The following ANPEP variants were observed in gnomAD, a reference collection of about 807,000 sequenced individuals.
ANPEP encodes the protein alanyl aminopeptidase, membrane, also known as aminopeptidase N.
Under a neutral mutation model 114.6 loss-of-function variants are expected in ANPEP, and 70 were observed. The ratio of observed to expected loss-of-function variants is 0.61; its 90% confidence interval spans 0.50 to 0.75. The LOEUF is 0.75. Ranked by LOEUF, ANPEP falls within the 30% of genes least tolerant of loss-of-function variation. The probability of loss-of-function intolerance (pLI) is 0.00; values close to 1 mark genes in which losing one functional copy is unlikely to be tolerated. For synonymous variants in ANPEP, 548 were observed against 522.3 expected (o/e 1.05, Z -0.67); for missense variants, 1,184 against 1,259.5 (o/e 0.94, Z 0.91).
rs143566896 is a variant in ANPEP, at chr15:89,803,988, C to T, written c.1194G>A (p.Leu398=). The part of the protein sequence containing the change: ...HELAHQWFGN[L]VTIEWWNDLW... ...GGTCATTCCACCACTCTATGGTCAC[C>T]AGGTTCCCGAACCACTGTGGGGGGA... The change falls in exon 7 of 21, where the codon CTG becomes CTA. Residue 398 remains leucine, a synonymous_variant. Coordinates refer to ENST00000300060, the MANE Select transcript of ANPEP (RefSeq NM_001150.3). The surrounding 1 kb of genome is among the most constrained non-coding windows in gnomAD (Gnocchi z 4.2). The T allele has an allele frequency of 6.4e-5, 104 of 1,614,012 alleles. No homozygotes were observed. The African/African-American group carries it at 1.3e-3, about 19-fold the overall frequency.
In ANPEP at chr15:89,784,970, T is replaced by G; in HGVS notation, c.*379A>C. 5.3e-6 allele frequency: 1 copy of G among 188,560 alleles called. No homozygotes were observed. The allele number at this position is 188,560 out of a possible 1,614,324, so 11.7% of individuals were successfully genotyped here. A position where few individuals can be genotyped will look rare whatever the true frequency, so the allele number is the denominator to read the frequency against. On this transcript the variant is annotated 3_prime_UTR_variant, in exon 21 of 21. Transcript: ENST00000300060. ...TCTGCTGCCCTGTTGATTCCTCAGA[T>G]TTAGGGTCTTTAGGGAAAGGTGAAA...
rs1894727907 is a variant in ANPEP, at chr15:89,806,902, G to T, written c.-223-96C>A. On this transcript the variant is annotated intron_variant, in intron 1 of 20. Coordinates refer to ENST00000300060, the MANE Select transcript of ANPEP (RefSeq NM_001150.3). The surrounding 1 kb of genome is among the most constrained non-coding windows in gnomAD (Gnocchi z 5.7). ...AGGCTTCCGGCTGTAGGCCCAGTGGGCAAAGCAAGCGGCCAGGTGGCATTG... is the reference window on the plus strand; with the variant it reads ...AGGCTTCCGGCTGTAGGCCCAGTGGTCAAAGCAAGCGGCCAGGTGGCATTG... 1 of 324,594 alleles carries T rather than the reference G, an allele frequency of 3.1e-6. No individual in the cohort carries two copies. Among genetic ancestry groups the T allele is most frequent in the Non-Finnish European group, 5.8e-6 (1 of 172,446 alleles). The allele number at this position is 324,594 out of a possible 1,614,324, so 20.1% of individuals were successfully genotyped here. A position where few individuals can be genotyped will look rare whatever the true frequency, so the allele number is the denominator to read the frequency against.
At position 89,799,230 on chromosome 15, in the gene ANPEP, T is replaced by C. The variant is rs1894534501; in HGVS notation, c.2009+30A>G. 2.5e-6 allele frequency: 4 copies of C among 1,613,532 alleles called. No homozygotes were observed. Among genetic ancestry groups the C allele is most frequent in the Non-Finnish European group, 2.5e-6 (3 of 1,179,468 alleles). The stretch of plus-strand genomic sequence containing the variant: ...CAGACTTGCTGAAGTCACGAGCTTC[T>C]GCAGCTGAGCCAGGCAGCGGAGCAC... On this transcript the variant is annotated intron_variant, in intron 14 of 20. Transcript: ENST00000300060. This position sits in a 1 kb window ranked among gnomAD's most constrained non-coding sequence, Gnocchi z 4.2.
chr15:89,804,987 A>G lies in ANPEP; in HGVS notation c.897+91T>C, dbSNP rs145510646. ...GTGGGATTCCAACCCTGGCCTAACA[A>G]TTCAGAAACTGGCACAGGGATGAAG... On this transcript the variant is annotated intron_variant, in intron 4 of 20. Transcript: ENST00000300060. 143 of 1,568,758 alleles carry G rather than the reference A, an allele frequency of 9.1e-5. No individual in the cohort carries two copies. In the African/African-American group the frequency reaches 1.8e-3, roughly 19 times the overall value.
chr15:89,801,835 T>C (rs113788492), intron 10 of ANPEP, among the ~76,000 whole-genome samples: 15,746 of 152,210 alleles, frequency 0.1, 1,895 homozygotes, highest in African/African-American at 0.28. Flanking sequence ...TATGAGGCCC[T>C]CCATTCTGTG....
At position 89,799,184 on chromosome 15, in the gene ANPEP, C is replaced by G; in HGVS notation, c.2009+76G>C. The G allele has an allele frequency of 1.3e-6, 2 of 1,550,814 alleles. No homozygotes were observed. Among genetic ancestry groups the G allele is most frequent in the Middle Eastern group, 1.7e-4 (1 of 5,732 alleles). ...CATATGGGAAGGGCAGCAGGAGGAG[C>G]AGGGGCCCTCATTGTGGACTCAGAC... On this transcript the variant is annotated intron_variant, in intron 14 of 20. Coordinates refer to ENST00000300060, the MANE Select transcript of ANPEP (RefSeq NM_001150.3). This position sits in a 1 kb window ranked among gnomAD's most constrained non-coding sequence, Gnocchi z 4.2.
At chr15:89,809,768 A>G (rs749022965) in intron 1 of ANPEP, among the ~76,000 whole-genome samples, 7 of 152,168 alleles carry the variant, frequency 4.6e-5, no homozygotes, top group Non-Finnish European at 1.0e-4. Flanking sequence ...CTGGTGCCCA[A>G]CCTGCAGAGT....
chr15:89,809,104 G>A (rs899800955), intron 1 of ANPEP, among the ~76,000 whole-genome samples: 1 of 152,178 alleles, frequency 6.6e-6, no homozygotes, highest in Admixed American at 6.5e-5. Context: ...TGTCAGGAAG[G>A]GCTCCAGCTT....
intron 1 of ANPEP, among the ~76,000 whole-genome samples, chr15:89,807,243 C>CT (rs916454125): frequency 6.6e-6 from 1 of 152,166 alleles, no homozygotes; most frequent in Non-Finnish European, 1.5e-5. Context: ...AGTTGTTTTG[C>CT]TTTTTTTGCT....
Position 89,803,556 on chromosome 15 carries a change from G to C in ANPEP, c.1438-49C>G. 6.2e-7 allele frequency: 1 copy of C among 1,603,202 alleles called. No homozygotes were observed. The highest frequency in any genetic ancestry group is 1.1e-5 in the South Asian group (1 of 90,734). On this transcript the variant is annotated intron_variant, in intron 8 of 20. Coordinates refer to ENST00000300060, the MANE Select transcript of ANPEP (RefSeq NM_001150.3). This position sits in a 1 kb window ranked among gnomAD's most constrained non-coding sequence, Gnocchi z 4.2. ...TCAGAAGGCTGTGCAGAGCCACCAG[G>C]ACCCTGTGCCCCCAGACCCTGCCTT...
intron 1 of ANPEP, among the ~76,000 whole-genome samples, chr15:89,808,308 C>A (rs1034986535): frequency 6.6e-6 from 1 of 152,208 alleles, no homozygotes; most frequent in Non-Finnish European, 1.5e-5. Context: ...CCTCCCTGAC[C>A]AAGTCAAGCT....
intron 2 of ANPEP, 106 bp from the exon 3 acceptor site, chr15:89,805,569 C>T: frequency 6.9e-7 from 1 of 1,451,236 alleles, no homozygotes; most frequent in South Asian, 1.3e-5. Flanking sequence ...AAGGCTGCCC[C>T]AGCCTAACCC....
At chr15:89,800,556 C>CGTTTTTT (rs1555441428) in intron 12 of ANPEP, among the ~76,000 whole-genome samples, 8 of 124,376 alleles carry the variant, frequency 6.4e-5, no homozygotes, top group African/African-American at 1.9e-4. Flanking sequence ...GGATTCTCTC[C>CGTTTTTT]TTTTTTTTTT....
At chr15:89,809,117 G>A (rs996629040) in intron 1 of ANPEP, among the ~76,000 whole-genome samples, 1 of 152,208 alleles carries the variant, frequency 6.6e-6, no homozygotes, top group African/African-American at 2.4e-5. Flanking sequence ...TCCAGCTTGG[G>A]CGTGGTGAGA....
chr15:89,812,739 A>G (rs994386025), intron 1 of ANPEP, among the ~76,000 whole-genome samples: 1 of 152,068 alleles, frequency 6.6e-6, no homozygotes, highest in Non-Finnish European at 1.5e-5. Flanking sequence ...GCAAATGAGG[A>G]CACTGAGGCA....
chr15:89,808,023 A>T (rs1894752978), intron 1 of ANPEP, among the ~76,000 whole-genome samples: 1 of 152,018 alleles, frequency 6.6e-6, no homozygotes, highest in South Asian at 2.1e-4. Context: ...CCTGCTCAAC[A>T]CAAATTGGAT....
chr15:89,788,179 G>A (rs142617927), intron 20 of ANPEP, among the ~76,000 whole-genome samples: 274 of 152,306 alleles, frequency 1.8e-3, no homozygotes, highest in African/African-American at 6.3e-3. Context: ...AAATTTGCAC[G>A]TGAAGGTCCA....
chr15:89,805,838 T>A, intron 2 of ANPEP, 132 bp downstream of exon 2: 1 of 1,276,670 alleles, frequency 7.8e-7, no homozygotes, highest in Non-Finnish European at 1.1e-6. Context: ...CAGCTGGAGG[T>A]GAAGCAATGG....
intron 1 of ANPEP, among the ~76,000 whole-genome samples, chr15:89,810,671 G>A (rs529040451): frequency 2.0e-5 from 3 of 152,246 alleles, no homozygotes; most frequent in East Asian, 1.9e-4. Context: ...TGGTGGCATC[G>A]TATGCCCCTC....
Sources: allele counts gnomAD v4.1 joint callset (sites outside exome capture counted in the v4.1 genomes callset), GRCh38; gene constraint gnomAD v4.1.1; non-coding constraint Gnocchi (gnomAD v3.1); transcripts MANE v1.5; gene names NCBI Gene and HGNC (gene_info 2026-07-23, HGNC 2026-07-21).